Variants in ACTL8 observed in about 807,000 individuals in gnomAD.
ACTL8 encodes actin like 8.
ACTL8 carries 3 observed loss-of-function variants against 9.3 expected under a neutral mutation model. The ratio of observed to expected loss-of-function variants is 0.32; its 90% CI spans 0.15 to 0.83. The LOEUF (loss-of-function observed/expected upper bound fraction) is 0.83. Ranked by LOEUF, ACTL8 falls within the 40% of genes least tolerant of loss-of-function variation. The probability of loss-of-function intolerance (pLI) is 0.57; values close to 1 mark genes in which losing one functional copy is unlikely to be tolerated. For missense variants in ACTL8, 381 were observed against 492.2 expected (o/e 0.77, Z 2.14); for synonymous variants, 224 against 205.9 (o/e 1.09, Z -0.75).
chr1:17,783,288 G>A (rs575814555), intron 1 of ACTL8, among the ~76,000 whole-genome samples: 4 of 151,946 alleles, frequency 2.6e-5, no homozygotes, highest in South Asian at 2.1e-4. Context: ...TGCTGTTCCC[G>A]TGATAGTGAA....
intron 1 of ACTL8, among the ~76,000 whole-genome samples, chr1:17,814,109 G>T (rs1353730543): frequency 6.6e-6 from 1 of 152,130 alleles, no homozygotes; most frequent in East Asian, 1.9e-4. Flanking sequence ...TTCACCACAT[G>T]ACATTTTGAT....
chr1:17,762,897 G>C (rs2066017201), intron 1 of ACTL8, among the ~76,000 whole-genome samples: 1 of 152,144 alleles, frequency 6.6e-6, no homozygotes, highest in African/African-American at 2.4e-5. Context: ...CATGGGGGTG[G>C]TAGGGCTGCC....
At chr1:17,794,783 G>A (rs1464122699) in intron 1 of ACTL8, among the ~76,000 whole-genome samples, 1 of 152,208 alleles carries the variant, frequency 6.6e-6, no homozygotes, top group Non-Finnish European at 1.5e-5. Context: ...CCCACAGAGA[G>A]TTGCTCTCCC....
chr1:17,783,557 T>C (rs1194770539), intron 1 of ACTL8, among the ~76,000 whole-genome samples: 1 of 152,012 alleles, frequency 6.6e-6, no homozygotes, highest in Non-Finnish European at 1.5e-5. Context: ...GGAAAAGGAG[T>C]TCCATTCCTG....
At chr1:17,781,240 T>G (rs987909768) in intron 1 of ACTL8, among the ~76,000 whole-genome samples, 2 of 146,252 alleles carry the variant, frequency 1.4e-5, no homozygotes, top group African/African-American at 5.0e-5. Context: ...TTTCTTTCTT[T>G]TTTTTTTTTT....
At chr1:17,787,042 A>G (rs779029183) in intron 1 of ACTL8, among the ~76,000 whole-genome samples, 8 of 152,064 alleles carry the variant, frequency 5.3e-5, no homozygotes, top group Non-Finnish European at 8.8e-5. Context: ...ACATTTATAA[A>G]GTTCAGTATA....
chr1:17,793,407 G>A (rs925741316), intron 1 of ACTL8, among the ~76,000 whole-genome samples: 8 of 152,152 alleles, frequency 5.3e-5, no homozygotes, highest in African/African-American at 1.9e-4. Context: ...ATGCTTTATG[G>A]GTAAAACCAG....
chr1:17,823,035 C>T lies in ACTL8; in HGVS notation c.27C>T (p.Asp9=), dbSNP rs1305016957. The change falls in exon 2 of 3, where the codon GAC becomes GAT. Residue 9 remains aspartate (D), a synonymous_variant. Coordinates refer to ENST00000375406, the MANE Select transcript of ACTL8 (RefSeq NM_030812.3). The surrounding 1 kb of genome is among the most constrained non-coding windows in gnomAD (Gnocchi z 5.3). ...TGGCTGCAAGAACCGTTATCATTGACCACGGGTCTGGCTTTTTGAAGGCTG... is the reference window on the plus strand; with the variant it reads ...TGGCTGCAAGAACCGTTATCATTGATCACGGGTCTGGCTTTTTGAAGGCTG... The part of the protein sequence containing the change: MAARTVII[D]HGSGFLKAGT... 7 of 1,613,992 alleles carry T rather than the reference C, an allele frequency of 4.3e-6. No individual in the cohort carries two copies. Among genetic ancestry groups the T allele is most frequent in the Non-Finnish European group, 5.9e-6 (7 of 1,180,014 alleles).
chr1:17,824,842 A>G lies in ACTL8; in HGVS notation c.349-925A>G, dbSNP rs562833362. On this transcript the variant is annotated intron_variant, in intron 2 of 2. Coordinates refer to ENST00000375406, the MANE Select transcript of ACTL8 (RefSeq NM_030812.3). ...GTTTTAAATGGGGGAGTTGTATCTG[A>G]TTTTCTATTTGAAAAAGAGGACCTT... 7.2e-5 allele frequency among the ~76,000 whole-genome samples: 11 copies of G among 152,090 alleles called. 1 individual carries two copies. The highest frequency in any genetic ancestry group is 2.7e-4 in the African/African-American group (11 of 41,482).
At chr1:17,769,282 G>T (rs1037259577) in intron 1 of ACTL8, among the ~76,000 whole-genome samples, 4 of 152,208 alleles carry the variant, frequency 2.6e-5, no homozygotes, top group Non-Finnish European at 5.9e-5. Context: ...GGGTGGCAGA[G>T]TGTAGGGAGA....
At chr1:17,808,613 AAGAG>A (rs1469514575) in intron 1 of ACTL8, among the ~76,000 whole-genome samples, 1 of 152,208 alleles carries the variant, frequency 6.6e-6, no homozygotes, top group Non-Finnish European at 1.5e-5. Context: ...CGGAGCAAAT[AAGAG>A]AGATACTGTG....
chr1:17,822,934 T>C (rs1363742722), intron 1 of ACTL8, 51 bp from the exon 2 acceptor site: 5 of 1,300,484 alleles, frequency 3.8e-6, no homozygotes, highest in South Asian at 1.4e-5. Flanking sequence ...GGAAGCTGCT[T>C]ATGGTGGCCT....
At chr1:17,791,226 G>C (rs993738168) in intron 1 of ACTL8, among the ~76,000 whole-genome samples, 4 of 152,178 alleles carry the variant, frequency 2.6e-5, no homozygotes, top group African/African-American at 9.6e-5. Flanking sequence ...CCTCCTGCTT[G>C]TCCCCAGCTC....
intron 1 of ACTL8, among the ~76,000 whole-genome samples, chr1:17,777,039 A>C (rs12121439): frequency 7.7e-6 from 1 of 130,542 alleles, no homozygotes; most frequent in Non-Finnish European, 1.6e-5. Context: ...GCCCAGGCTG[A>C]TCTTGAATCC....
chr1:17,807,842 G>A (rs779026832), intron 1 of ACTL8, among the ~76,000 whole-genome samples: 1 of 151,960 alleles, frequency 6.6e-6, no homozygotes, highest in South Asian at 2.1e-4. Flanking sequence ...TGGGGCCTGT[G>A]GGGGGTGGGG....
intron 1 of ACTL8, among the ~76,000 whole-genome samples, chr1:17,773,400 A>G (rs750713883): frequency 2.0e-5 from 3 of 152,246 alleles, no homozygotes; most frequent in Non-Finnish European, 4.4e-5. Flanking sequence ...GACACAAGTA[A>G]TAACAATTAG....
intron 1 of ACTL8, among the ~76,000 whole-genome samples, chr1:17,782,333 G>A (rs1218690533): frequency 6.6e-6 from 1 of 152,202 alleles, no homozygotes; most frequent in Non-Finnish European, 1.5e-5. Flanking sequence ...GAGAATACGG[G>A]CGAAAGTGCT....
chr1:17,790,575 T>A (rs1271768232), intron 1 of ACTL8, among the ~76,000 whole-genome samples: 3 of 152,222 alleles, frequency 2.0e-5, no homozygotes, highest in Non-Finnish European at 2.9e-5. Context: ...AAGTGCATGC[T>A]GATTGGTCCA....
chr1:17,765,634 A>G (rs2066039005), intron 1 of ACTL8, among the ~76,000 whole-genome samples: 1 of 152,132 alleles, frequency 6.6e-6, no homozygotes, highest in Non-Finnish European at 1.5e-5. Context: ...TCCATTCCAC[A>G]CATGATGTCA....
Sources: allele counts gnomAD v4.1 joint callset (sites outside exome capture counted in the v4.1 genomes callset), GRCh38; gene constraint gnomAD v4.1.1; non-coding constraint Gnocchi (gnomAD v3.1); transcripts MANE v1.5; gene names NCBI Gene and HGNC (gene_info 2026-07-23, HGNC 2026-07-21).